RBFOX1: variants seen among roughly 807,000 people sequenced by gnomAD.
The protein encoded by RBFOX1 is RNA binding fox-1 homolog 1.
RBFOX1 carries 8 observed loss-of-function variants against 57.7 expected under a neutral mutation model. That is an observed-to-expected ratio of 0.14 (90% CI 0.08 to 0.25). RBFOX1 has a LOEUF of 0.25. RBFOX1 is among the 10% of genes least tolerant of loss of function. The pLI, the probability that RBFOX1 is intolerant of heterozygous loss-of-function variation, is 1.00. For synonymous variants in RBFOX1, 326 were observed against 222.4 expected (o/e 1.47, Z -4.15); for missense variants, 611 against 548.5 (o/e 1.11, Z -1.14).
rs148781626 is a variant in RBFOX1 at position 6,866,979 on chromosome 16, G to A, written c.-15-185078G>A. Among the ~76,000 whole-genome samples, 930 of 146,832 alleles carry A rather than the reference G, an allele frequency of 6.3e-3. 14 individuals carry two copies. The highest frequency in any genetic ancestry group is 0.022 in the African/African-American group (882 of 39,906). ...AAGGTCATACTGTTTTAAGCATACA[G>A]AAAACCCTCTAGTCAGAGTCTGTGT... On this transcript the variant is annotated intron_variant, in intron 3 of 15. Coordinates refer to ENST00000550418, the MANE Select transcript of RBFOX1 (RefSeq NM_018723.4).
chr16:7,161,392 T>C (rs1293295212), intron 4 of RBFOX1, among the ~76,000 whole-genome samples: 2 of 152,232 alleles, frequency 1.3e-5, no homozygotes, highest in African/African-American at 2.4e-5. Context: ...ATTTGCTAAA[T>C]ACACATTATA....
At chr16:7,688,518 C>T (rs1478471740) in intron 14 of RBFOX1, among the ~76,000 whole-genome samples, 1 of 151,976 alleles carries the variant, frequency 6.6e-6, no homozygotes, top group Non-Finnish European at 1.5e-5. Flanking sequence ...CATGTCCCCT[C>T]CAGCAACACA....
At chr16:7,446,810 T>TTTG (rs2098812000) in intron 4 of RBFOX1, among the ~76,000 whole-genome samples, 1 of 121,776 alleles carries the variant, frequency 8.2e-6, no homozygotes, top group African/African-American at 3.4e-5. Flanking sequence ...TTTTTTTTTT[T>TTTG]TTTTTTTTTT....
At chr16:6,193,842 G>A (rs1289213451) in intron 1 of RBFOX1, among the ~76,000 whole-genome samples, 3 of 151,890 alleles carry the variant, frequency 2.0e-5, no homozygotes, top group Non-Finnish European at 4.4e-5. Flanking sequence ...CATTCTCCTG[G>A]TAAACTTGCC....
chr16:6,518,797 G>GTCTATCTA (rs58687392), intron 2 of RBFOX1, among the ~76,000 whole-genome samples: 1,285 of 104,026 alleles, frequency 0.012, 19 homozygotes, highest in African/African-American at 0.033. Flanking sequence ...CTGTGTGTCT[G>GTCTATCTA]TCTATCTATC....
At chr16:6,792,804 A>G (rs6500835) in intron 3 of RBFOX1, among the ~76,000 whole-genome samples, 96,618 of 151,878 alleles carry the variant, frequency 0.64, 31,263 homozygotes, top group East Asian at 0.8. Context: ...GCCGAGGCAG[A>G]TGGATCATGA....
chr16:5,364,046 C>T (rs972475921), intron 1 of RBFOX1, among the ~76,000 whole-genome samples: 2 of 152,216 alleles, frequency 1.3e-5, no homozygotes, highest in East Asian at 1.9e-4. Context: ...TTCTCTCCCT[C>T]AGCGATTCCC....
chr16:7,345,233 G>A (rs1428694528), intron 4 of RBFOX1, among the ~76,000 whole-genome samples: 1 of 152,178 alleles, frequency 6.6e-6, no homozygotes, highest in Non-Finnish European at 1.5e-5. Flanking sequence ...TGCAAGCGAT[G>A]TCTTCTATTG....
intron 2 of RBFOX1, among the ~76,000 whole-genome samples, chr16:5,574,753 C>G (rs925794804): frequency 6.6e-6 from 1 of 152,132 alleles, no homozygotes; most frequent in Non-Finnish European, 1.5e-5. Context: ...TTAGTCTGTG[C>G]ATCTCTGAGG....
chr16:7,007,846 A>T (rs1043200644), intron 3 of RBFOX1, among the ~76,000 whole-genome samples: 1 of 152,306 alleles, frequency 6.6e-6, no homozygotes. Context: ...CACCTAGTGG[A>T]CACCTCAGCA....
intron 2 of RBFOX1, among the ~76,000 whole-genome samples, chr16:5,541,290 A>C (rs927682471): frequency 2.0e-5 from 3 of 152,206 alleles, no homozygotes; most frequent in African/African-American, 7.2e-5. Flanking sequence ...AAAATCTGAG[A>C]CAGGTCTCAG....
At chr16:6,300,632 T>C (rs1490850932) in intron 1 of RBFOX1, among the ~76,000 whole-genome samples, 1 of 152,190 alleles carries the variant, frequency 6.6e-6, no homozygotes, top group Non-Finnish European at 1.5e-5. Context: ...TCCCTCAATA[T>C]CTTTCCCACA....
chr16:5,831,763 G>A (rs112715056), intron 3 of RBFOX1, among the ~76,000 whole-genome samples: 11 of 152,082 alleles, frequency 7.2e-5, no homozygotes, highest in African/African-American at 1.7e-4. Flanking sequence ...AAATTACCCC[G>A]TGTCAAGTAT....
chr16:7,388,262 T>G (rs529837241), intron 4 of RBFOX1, among the ~76,000 whole-genome samples: 1 of 152,302 alleles, frequency 6.6e-6, no homozygotes, highest in South Asian at 2.1e-4. Flanking sequence ...GTATCCATGA[T>G]GTGTTCGGGA....
chr16:6,941,216 C>T (rs988985084), intron 3 of RBFOX1, among the ~76,000 whole-genome samples: 1 of 149,878 alleles, frequency 6.7e-6, no homozygotes, highest in Non-Finnish European at 1.5e-5. Context: ...CCTTCCTTCC[C>T]TCCCATTACC....
At chr16:6,336,262 G>A (rs1187194049) in intron 2 of RBFOX1, among the ~76,000 whole-genome samples, 1 of 128,568 alleles carries the variant, frequency 7.8e-6, no homozygotes, top group African/African-American at 2.9e-5. Context: ...GCAGTGGCGA[G>A]ATCTCGGCTC....
At chr16:7,066,807 A>C (rs1189030701) in intron 4 of RBFOX1, among the ~76,000 whole-genome samples, 1 of 152,164 alleles carries the variant, frequency 6.6e-6, no homozygotes, top group Non-Finnish European at 1.5e-5. Flanking sequence ...TTGGTTCAAT[A>C]AGAGGAGCAC....
At chr16:6,803,939 A>C (rs974603384) in intron 3 of RBFOX1, among the ~76,000 whole-genome samples, 2 of 151,946 alleles carry the variant, frequency 1.3e-5, no homozygotes, top group Admixed American at 6.6e-5. Context: ...TCTTGTTTAG[A>C]ACCCATAGTT....
At chr16:7,227,020 G>C (rs1016221435) in intron 4 of RBFOX1, among the ~76,000 whole-genome samples, 8 of 152,122 alleles carry the variant, frequency 5.3e-5, no homozygotes, top group Admixed American at 4.6e-4. Context: ...AAGTTGAGTT[G>C]TGGTTGTCCT....
Sources: gnomAD v4.1 joint callset for allele counts (sites outside exome capture counted in the v4.1 genomes callset) on GRCh38, gnomAD v4.1.1 for gene constraint, MANE v1.5 for transcripts, NCBI Gene and HGNC (gene_info 2026-07-23, HGNC 2026-07-21) for gene names.